Variants in PTPRD observed in about 807,000 individuals in gnomAD.
PTPRD encodes protein tyrosine phosphatase receptor type D, also known as receptor-type tyrosine-protein phosphatase delta.
A neutral mutation model predicts 214.5 loss-of-function variants in PTPRD; 34 were observed. The ratio of observed to expected loss-of-function variants is 0.16; its 90% confidence interval spans 0.12 to 0.21. PTPRD has a LOEUF of 0.21. PTPRD is among the 10% of genes least tolerant of loss of function. PTPRD has a pLI of 1.00. For missense variants in PTPRD, 2,545 were observed against 2,398.7 expected (o/e 1.06, Z -1.27); for synonymous variants, 1,128 against 845.7 (o/e 1.33, Z -5.79).
At chr9:8,723,421 C>T (rs1245410436) in intron 12 of PTPRD, among the ~76,000 whole-genome samples, 1 of 152,112 alleles carries the variant, frequency 6.6e-6, no homozygotes, top group Non-Finnish European at 1.5e-5. Flanking sequence ...TTATCACTCT[C>T]CAAAGTCACG....
intron 10 of PTPRD, chr9:9,091,099 T>C: frequency 7.3e-7 from 1 of 1,377,110 alleles, no homozygotes; most frequent in Non-Finnish European, 1.0e-6. Flanking sequence ...TCCCAAGCTG[T>C]ATGTGAAGCT....
In PTPRD at chr9:9,944,990, A is replaced by G. The variant is rs182985597; in HGVS notation, c.-471-6380T>C. ...AAGAGATGAATATGACCAGACAAGT[A>G]GTGGAGAGGTGTTGAGAGGTAGCTA... is the stretch of plus-strand genomic sequence containing the variant. On this transcript the variant is annotated intron_variant, in intron 4 of 45. Coordinates refer to ENST00000381196, the MANE Select transcript of PTPRD (RefSeq NM_002839.4). 5.8e-4 allele frequency among the ~76,000 whole-genome samples: 86 copies of G among 147,756 alleles called. No homozygotes were observed. In the East Asian group the frequency reaches 0.015, roughly 26 times the overall value.
chr9:9,684,568 G>T (rs1298699277), intron 7 of PTPRD, among the ~76,000 whole-genome samples: 1 of 151,530 alleles, frequency 6.6e-6, no homozygotes, highest in African/African-American at 2.4e-5. Flanking sequence ...TAATACTTGG[G>T]AGGAGACTGA....
intron 9 of PTPRD, among the ~76,000 whole-genome samples, chr9:9,377,201 CATAG>C: frequency 6.6e-6 from 1 of 152,076 alleles, no homozygotes; most frequent in Middle Eastern, 3.4e-3. Context: ...CATGTCCATA[CATAG>C]ATATATATGA....
At chr9:8,547,763 C>G (rs1333431631) in intron 14 of PTPRD, among the ~76,000 whole-genome samples, 2 of 151,918 alleles carry the variant, frequency 1.3e-5, no homozygotes, top group African/African-American at 4.8e-5. Context: ...GATATATACC[C>G]ACACAAAAAT....
chr9:8,839,300 T>TTTTATTTATTTGTTTG (rs1389844462), intron 11 of PTPRD, among the ~76,000 whole-genome samples: 1 of 150,326 alleles, frequency 6.7e-6, no homozygotes, highest in African/African-American at 2.4e-5. Context: ...ACCAAGGGGA[T>TTTTATTTATTTGTTTG]TTTATTTATT....
intron 5 of PTPRD, among the ~76,000 whole-genome samples, chr9:9,771,111 C>T (rs747458705): frequency 6.6e-6 from 1 of 152,096 alleles, no homozygotes. Flanking sequence ...ATTTATGCAC[C>T]TTATGCCCAA....
chr9:9,798,123 A>C (rs535435575), intron 5 of PTPRD, among the ~76,000 whole-genome samples: 1 of 152,296 alleles, frequency 6.6e-6, no homozygotes, highest in African/African-American at 2.4e-5. Flanking sequence ...TTGGGGGCCC[A>C]AGCAGTGTCT....
intron 36 of PTPRD, among the ~76,000 whole-genome samples, chr9:8,400,435 T>C (rs2092189276): frequency 6.6e-6 from 1 of 152,198 alleles, no homozygotes; most frequent in African/African-American, 2.4e-5. Context: ...ATGATTCCCA[T>C]ATTGTGTCCT....
intron 14 of PTPRD, among the ~76,000 whole-genome samples, chr9:8,556,553 A>ATTTTATATTTCTTTTTTTTTTTTTT (rs761184510): frequency 2.8e-4 from 43 of 151,886 alleles, no homozygotes; most frequent in African/African-American, 1.0e-3. Flanking sequence ...ATACTTGTGT[A>ATTTTATATTTCTTTTTTTTTTTTTT]TTTTATATTT....
chr9:9,510,904 C>T (rs750853768), intron 8 of PTPRD, among the ~76,000 whole-genome samples: 22 of 151,716 alleles, frequency 1.5e-4, no homozygotes, highest in Non-Finnish European at 2.7e-4. Context: ...TTAATCACTA[C>T]TTGGTTTTAA....
chr9:9,898,007 G>C (rs562710469), intron 5 of PTPRD, among the ~76,000 whole-genome samples: 2 of 151,978 alleles, frequency 1.3e-5, no homozygotes, highest in African/African-American at 4.8e-5. Context: ...TATAAAAACA[G>C]GTGGCTTTGG....
chr9:10,353,905 C>T (rs1017244678), intron 2 of PTPRD, among the ~76,000 whole-genome samples: 1 of 151,876 alleles, frequency 6.6e-6, no homozygotes, highest in South Asian at 2.1e-4. Flanking sequence ...CATTAGGAAT[C>T]TCCAAAGGAA....
At chr9:10,580,844 A>C (rs2071472065) in intron 2 of PTPRD, among the ~76,000 whole-genome samples, 1 of 152,168 alleles carries the variant, frequency 6.6e-6, no homozygotes, top group Admixed American at 6.6e-5. Context: ...TATCTGATAC[A>C]TTTAAACTAC....
At chr9:9,138,523 T>C (rs1204700314) in intron 10 of PTPRD, among the ~76,000 whole-genome samples, 1 of 152,046 alleles carries the variant, frequency 6.6e-6, no homozygotes, top group East Asian at 1.9e-4. Flanking sequence ...TAAAGGTGAC[T>C]TGTGACCATT....
chr9:8,885,099 G>A (rs1416461785), intron 11 of PTPRD, among the ~76,000 whole-genome samples: 1 of 152,166 alleles, frequency 6.6e-6, no homozygotes, highest in African/African-American at 2.4e-5. Context: ...AGACAAGCCT[G>A]TGCTCTGAGA....
At chr9:8,841,417 T>C (rs191009853) in intron 11 of PTPRD, among the ~76,000 whole-genome samples, 14 of 152,140 alleles carry the variant, frequency 9.2e-5, no homozygotes, top group African/African-American at 3.4e-4. Context: ...TATAAACAAA[T>C]AGAAACAAGC....
chr9:10,504,604 T>C (rs533910085), intron 2 of PTPRD, among the ~76,000 whole-genome samples: 1 of 152,280 alleles, frequency 6.6e-6, no homozygotes, highest in African/African-American at 2.4e-5. Flanking sequence ...TGATTTTACA[T>C]AGCAACTCTT....
chr9:8,707,864 G>A (rs758471678), intron 12 of PTPRD, among the ~76,000 whole-genome samples: 8 of 152,024 alleles, frequency 5.3e-5, no homozygotes, highest in Non-Finnish European at 5.9e-5. Context: ...CACATCTCTC[G>A]GCTTACCTAT....
Sources: gnomAD v4.1 joint callset for allele counts (sites outside exome capture counted in the v4.1 genomes callset) on GRCh38, gnomAD v4.1.1 for gene constraint, MANE v1.5 for transcripts, NCBI Gene and HGNC (gene_info 2026-07-23, HGNC 2026-07-21) for gene names.